Variants in CERS2 observed in about 807,000 individuals in gnomAD.
CERS2 encodes the protein ceramide synthase 2.
A neutral mutation model predicts 56.6 loss-of-function variants in CERS2; 20 were observed. The observed-to-expected ratio is 0.35, with a 90% CI of 0.25 to 0.51. The LOEUF (loss-of-function observed/expected upper bound fraction) is 0.51. CERS2 is among the 20% of genes least tolerant of loss of function. The probability of loss-of-function intolerance (pLI) is 0.96; values close to 1 mark genes in which losing one functional copy is unlikely to be tolerated. For missense variants in CERS2, 361 were observed against 488.6 expected (o/e 0.74, Z 2.46); for synonymous variants, 187 against 175.4 (o/e 1.07, Z -0.52).
chr1:150,968,576 C>A (rs1370588517), intron 2 of CERS2, 64 bp from the exon 3 acceptor site: 2 of 1,279,754 alleles, frequency 1.6e-6, no homozygotes, highest in East Asian at 2.3e-5. Context: ...CAAGCTAAGG[C>A]AACTTTACCC....
In CERS2 at chr1:150,965,982, G is replaced by T; in HGVS notation, c.*166C>A. 1.4e-6 allele frequency: 1 copy of T among 690,354 alleles called. No homozygotes were observed. The highest frequency in any genetic ancestry group is 2.3e-6 in the Non-Finnish European group (1 of 426,912). 42.8% of individuals were successfully genotyped at this position (690,354 alleles called of 1,614,324 possible). On this transcript the variant is annotated 3_prime_UTR_variant, in exon 11 of 11. Coordinates refer to ENST00000368954, the MANE Select transcript of CERS2 (RefSeq NM_022075.5). Reference sequence around the variant, plus strand: ...CCCCTACCTGGGGATAGGCTGGTTAGAATTTGGTTTAAAGGCAACTGGGTG... The same window carrying T: ...CCCCTACCTGGGGATAGGCTGGTTATAATTTGGTTTAAAGGCAACTGGGTG...
rs139609178 is a variant in CERS2 at position 150,966,803 on chromosome 1, G to A, written c.801C>T (p.Val267=). Residue 267 remains valine (V), a synonymous_variant, in exon 9 of 11, where the codon GTC becomes GTT. Coordinates refer to ENST00000368954, the MANE Select transcript of CERS2 (RefSeq NM_022075.5). ...WKNTCNNIFI[V]FAIVFIITRL... ...GGGTGATGATAAAAACAATGGCGAA[G>A]ACGATGAAGATGTTGTTGCAGGTGT... The A allele has an allele frequency of 1.6e-4, 255 of 1,614,136 alleles. No individual in the cohort carries two copies. In the African/African-American group the frequency reaches 3.1e-3, roughly 20 times the overall value.
chr1:150,970,701 A>G (rs1671157017), intron 1 of CERS2, among the ~76,000 whole-genome samples: 1 of 152,008 alleles, frequency 6.6e-6, no homozygotes, highest in African/African-American at 2.4e-5. Context: ...TTTTTTTGGT[A>G]GAAACAGGGT....
intron 10 of CERS2, 28 bp downstream of exon 10, chr1:150,966,448 G>T: frequency 6.2e-7 from 1 of 1,613,658 alleles, no homozygotes; most frequent in South Asian, 1.1e-5. Context: ...AGAGTAGTAA[G>T]GCCTACACAA....
At chr1:150,971,372 C>T (rs1177905787) in intron 1 of CERS2, among the ~76,000 whole-genome samples, 1 of 152,144 alleles carries the variant, frequency 6.6e-6, no homozygotes, top group East Asian at 1.9e-4. Flanking sequence ...CCACCCACCA[C>T]TGTAGCCCTT....
rs777343723 is a variant in CERS2 at position 150,966,247 on chromosome 1, G to A, written c.1044C>T (p.Ser348=). 6 of 1,610,816 alleles carry A rather than the reference G, an allele frequency of 3.7e-6. No homozygotes were observed. The highest frequency in any genetic ancestry group is 5.1e-6 in the Non-Finnish European group (6 of 1,179,118). ...DERSDREETE[S]SEGEEAAAGG... ...CAGCTGCAGCCTCCTCCCCCTCTGA[G>A]CTCTCTGTTTCTTCCCGGTCACTGC... Residue 348 remains serine (S), a synonymous_variant, in exon 11 of 11, where the codon AGC becomes AGT. Coordinates refer to ENST00000368954, the MANE Select transcript of CERS2 (RefSeq NM_022075.5).
Position 150,968,115 on chromosome 1 carries a change from C to T in CERS2, c.378G>A (p.Arg126=). Reference sequence around the variant, plus strand: ...CTCGGAACTTCTTGAGGAGACTGGGCCGGTCCTGGTTGCGGCGGCGACGGA... The same window carrying T: ...CTCGGAACTTCTTGAGGAGACTGGGTCGGTCCTGGTTGCGGCGGCGACGGA... The part of the protein sequence containing the change: ...RWFRRRRNQD[R]PSLLKKFREA... The change falls in exon 4 of 11, where the codon CGG becomes CGA. Residue 126 remains arginine, a synonymous_variant. Transcript: ENST00000368954. 1 of 1,609,984 alleles carries T rather than the reference C, an allele frequency of 6.2e-7. No individual in the cohort carries two copies.
intron 1 of CERS2, among the ~76,000 whole-genome samples, chr1:150,969,664 G>A (rs1245139314): frequency 3.3e-5 from 5 of 151,848 alleles, no homozygotes; most frequent in East Asian, 1.9e-4. Flanking sequence ...CTCTGATTTC[G>A]GGGAGTGGGG....
Position 150,968,485 on chromosome 1 carries a change from G to A in CERS2, c.201C>T (p.Leu67=), listed in dbSNP as rs778014982. ...GCCGAGTTTTCTCCTTTATGTTCAA[G>A]AGGGCAGCCAGTGGTGTAGCCACGT... ...ELYVATPLAA[L]LNIKEKTRLR... Residue 67 remains leucine (L), a synonymous_variant, in exon 3 of 11, where the codon CTC becomes CTT. Coordinates refer to ENST00000368954, the MANE Select transcript of CERS2 (RefSeq NM_022075.5). The A allele has an allele frequency of 4.3e-6, 7 of 1,614,066 alleles. No homozygotes were observed. The South Asian group carries it at 4.4e-5, about 10-fold the overall frequency.
At chr1:150,970,227 CAAAAA>C (rs35333038) in intron 1 of CERS2, among the ~76,000 whole-genome samples, 21 of 51,196 alleles carry the variant, frequency 4.1e-4, no homozygotes, top group African/African-American at 1.7e-3. Flanking sequence ...GACTCTGTCT[CAAAAA>C]AAAAAAAAAA....
In CERS2 at chr1:150,967,467, C is replaced by T. The variant is rs774963430; in HGVS notation, c.537G>A (p.Gln179=). 4 of 1,591,156 alleles carry T rather than the reference C, an allele frequency of 2.5e-6. No homozygotes were observed. Among genetic ancestry groups the T allele is most frequent in the Admixed American group, 3.3e-5 (2 of 59,990 alleles). ...AAAGTTCAATCATGTAGTACCAATA[C>T]TGGGAAGGGATAGTGCTCTGGGAGA... The part of the protein sequence containing the change: ...GYPIQSTIPS[Q]YWYYMIELSF... The change falls in exon 7 of 11, where the codon CAG becomes CAA. Residue 179 remains glutamine (Q), a synonymous_variant. Transcript: ENST00000368954.
intron 4 of CERS2, 100 bp from the exon 5 acceptor site, chr1:150,967,977 G>C: frequency 7.3e-7 from 1 of 1,378,144 alleles, no homozygotes; most frequent in Non-Finnish European, 1.0e-6. Flanking sequence ...ATTAATAACT[G>C]AATTCACCTC....
In CERS2 at chr1:150,966,764, C is replaced by T. The variant is rs1671030412; in HGVS notation, c.840G>A (p.Leu280=). 3 of 1,613,246 alleles carry T rather than the reference C, an allele frequency of 1.9e-6. No homozygotes were observed. The highest frequency in any genetic ancestry group is 3.3e-4 in the Middle Eastern group (2 of 6,062). The change falls in exon 9 of 11, where the codon CTG becomes CTA. Residue 280 remains leucine (L), a synonymous_variant. Coordinates refer to ENST00000368954, the MANE Select transcript of CERS2 (RefSeq NM_022075.5). ...IVFIITRLVI[L]PFWILHCTLV... ...CCTAGCTGCCTACTCACCAGAAGGG[C>T]AGGATGACCAGTCGGGTGATGATAA...
Position 150,969,929 on chromosome 1 carries a change from A to G in CERS2, c.-1-838T>C, listed in dbSNP as rs191027543. Among the ~76,000 whole-genome samples, 38 of 152,294 alleles carry G rather than the reference A, an allele frequency of 2.5e-4. 1 individual carries two copies. The highest frequency in any genetic ancestry group is 2.3e-3 in the Admixed American group (35 of 15,304). ...CATCTGAGTAGCAAGTCCCTAAAGA[A>G]AAATTAAGAGACAGGGTAGGCTGGG... On this transcript the variant is annotated intron_variant, in intron 1 of 10. Coordinates refer to ENST00000368954, the MANE Select transcript of CERS2 (RefSeq NM_022075.5).
Position 150,966,743 on chromosome 1 carries a change from G to A in CERS2, c.848+13C>T, listed in dbSNP as rs1246581315. The A allele has an allele frequency of 1.2e-6, 2 of 1,606,048 alleles. No homozygotes were observed. Among genetic ancestry groups the A allele is most frequent in the South Asian group, 1.1e-5 (1 of 90,904 alleles). On this transcript the variant is annotated intron_variant, in intron 9 of 10. Transcript: ENST00000368954. Reference sequence around the variant, plus strand: ...TTCTTCAGAACAGGAGTGTAGCCTAGCTGCCTACTCACCAGAAGGGCAGGA... The same window carrying A: ...TTCTTCAGAACAGGAGTGTAGCCTAACTGCCTACTCACCAGAAGGGCAGGA...
chr1:150,970,826 T>C (rs1160152558), intron 1 of CERS2, among the ~76,000 whole-genome samples: 1 of 152,102 alleles, frequency 6.6e-6, no homozygotes, highest in Non-Finnish European at 1.5e-5. Flanking sequence ...TCAGAGCTAT[T>C]TCGTATAAAT....
At position 150,966,870 on chromosome 1, in the gene CERS2, G is replaced by A; in HGVS notation, c.742-8C>T. ...GTTAAACATCTTGGCTGACTGCATAGAGAGCCCCCATCCATCATCATGGGC... is the reference window on the plus strand; with the variant it reads ...GTTAAACATCTTGGCTGACTGCATAAAGAGCCCCCATCCATCATCATGGGC... On this transcript the variant is annotated splice_region_variant and splice_polypyrimidine_tract_variant and intron_variant, in intron 8 of 10. Transcript: ENST00000368954. The A allele has an allele frequency of 6.2e-7, 1 of 1,602,264 alleles. No homozygotes were observed. The highest frequency in any genetic ancestry group is 8.6e-7 in the Non-Finnish European group (1 of 1,169,486).
intron 1 of CERS2, among the ~76,000 whole-genome samples, chr1:150,969,834 T>G (rs1226469122): frequency 1.3e-5 from 2 of 152,124 alleles, no homozygotes; most frequent in African/African-American, 4.8e-5. Flanking sequence ...GCTGAAAGCT[T>G]CCAGGGGGTG....
intron 4 of CERS2, 21 bp from the exon 5 acceptor site, chr1:150,967,898 G>A (rs780875251): frequency 8.1e-6 from 13 of 1,599,688 alleles, no homozygotes; most frequent in Non-Finnish European, 1.1e-5. Flanking sequence ...AAGCAGAAAT[G>A]GCTAGGTCAG....
Sources: gnomAD v4.1 joint callset for allele counts (sites outside exome capture counted in the v4.1 genomes callset) on GRCh38, gnomAD v4.1.1 for gene constraint, MANE v1.5 for transcripts, NCBI Gene and HGNC (gene_info 2026-07-23, HGNC 2026-07-21) for gene names.